The following FRMD4B variants were observed in gnomAD, a reference collection of about 807,000 sequenced individuals.
FRMD4B encodes the protein FERM domain-containing protein 4B.
A neutral mutation model predicts 141.5 loss-of-function variants in FRMD4B; 74 were observed. The observed-to-expected ratio is 0.52, with a 90% CI of 0.43 to 0.63. The LOEUF (loss-of-function observed/expected upper bound fraction) is 0.63, where lower values mean the gene tolerates loss of function less well. Among genes scored for constraint, FRMD4B ranks in the 30% least tolerant of loss-of-function variants. The probability of loss-of-function intolerance (pLI) is 0.00; values close to 1 mark genes in which losing one functional copy is unlikely to be tolerated. For synonymous variants in FRMD4B, 506 were observed against 467.9 expected (o/e 1.08, Z -1.05); for missense variants, 1,366 against 1,253.4 (o/e 1.09, Z -1.36).
chr3:69,446,414 C>G (rs972717320), intron 1 of FRMD4B, among the ~76,000 whole-genome samples: 2 of 151,940 alleles, frequency 1.3e-5, no homozygotes, highest in Non-Finnish European at 2.9e-5. Context: ...CTCACTGCAA[C>G]CTCTGCCTCC....
At chr3:69,394,494 A>G (rs1296160123) in intron 2 of FRMD4B, among the ~76,000 whole-genome samples, 5 of 152,262 alleles carry the variant, frequency 3.3e-5, no homozygotes, top group Non-Finnish European at 2.9e-5. Context: ...GAATAAAACA[A>G]TGATCTAAAA....
intron 1 of FRMD4B, among the ~76,000 whole-genome samples, chr3:69,504,304 T>C (rs910680231): frequency 6.6e-6 from 1 of 152,222 alleles, no homozygotes; most frequent in African/African-American, 2.4e-5. Context: ...GAATACTTTT[T>C]TTAACAGCTT....
chr3:69,460,147 T>C (rs919411496), intron 1 of FRMD4B, among the ~76,000 whole-genome samples: 2 of 152,212 alleles, frequency 1.3e-5, no homozygotes, highest in African/African-American at 4.8e-5. Flanking sequence ...ATGCCATTTG[T>C]TGGAAATTCC....
At chr3:69,371,079 G>A (rs1703811198) in intron 1 of FRMD4B, among the ~76,000 whole-genome samples, 1 of 152,154 alleles carries the variant, frequency 6.6e-6, no homozygotes, top group Non-Finnish European at 1.5e-5. Context: ...GGATTACAGT[G>A]AAAAATAAAG....
intron 2 of FRMD4B, among the ~76,000 whole-genome samples, chr3:69,397,410 T>C (rs932912730): frequency 6.6e-6 from 1 of 152,178 alleles, no homozygotes; most frequent in Non-Finnish European, 1.5e-5. Flanking sequence ...ATGGGGATAG[T>C]TGTGCAACTT....
Position 69,245,664 on chromosome 3 carries a change from CTTTTTTTTTTTT to C in FRMD4B, c.581+3550_581+3561del, listed in dbSNP as rs71115668. Among the ~76,000 whole-genome samples, 3 of 102,478 alleles carry C rather than the reference CTTTTTTTTTTTT, an allele frequency of 2.9e-5. No homozygotes were observed. The Admixed American group carries it at 3.1e-4, about 11-fold the overall frequency. The allele number at this position is 102,478 out of a possible 152,430, so 67.2% of individuals were successfully genotyped here. ...ACCTGGCCTTGGCTGATTTTCTTTTCTTTTTTTTTTTTTTTTTGTGACAGAGTCCCACTCTGT... is the reference window on the plus strand; with the variant it reads ...ACCTGGCCTTGGCTGATTTTCTTTTCTTTTTGTGACAGAGTCCCACTCTGT... On this transcript the variant is annotated intron_variant, in intron 7 of 22. Coordinates refer to ENST00000398540, the MANE Select transcript of FRMD4B (RefSeq NM_015123.3).
At position 69,530,916 on chromosome 3, in the gene FRMD4B, C is replaced by T. The variant is rs145254126; in HGVS notation, c.-129+11290G>A. On this transcript the variant is annotated intron_variant, in intron 1 of 5. Coordinates refer to the FRMD4B transcript ENST00000459638. ...CACAAAATAGGCACAGACCTAATCT[C>T]GGGCCCTTACCTGGGCAAAGGCTTT... 2.5e-3 allele frequency among the ~76,000 whole-genome samples: 380 copies of T among 152,270 alleles called. 1 individual carries two copies. Among genetic ancestry groups the T allele is most frequent in the Middle Eastern group, 6.8e-3 (2 of 294 alleles).
intron 2 of FRMD4B, among the ~76,000 whole-genome samples, chr3:69,393,913 C>T (rs1460002052): frequency 6.6e-6 from 1 of 152,126 alleles, no homozygotes; most frequent in Non-Finnish European, 1.5e-5. Flanking sequence ...TAAAGAAAAG[C>T]ATTTATGGCA....
At chr3:69,386,095 C>CG (rs1216375079), upstream of FRMD4B, 60 of 1,072,838 alleles carry the variant, frequency 5.6e-5, no homozygotes, top group Non-Finnish European at 7.4e-5. Flanking sequence ...TGCTGGCAGC[C>CG]GGGGGGTCAA....
At chr3:69,440,137 CTACTT>C (rs1705321747) in intron 1 of FRMD4B, among the ~76,000 whole-genome samples, 1 of 152,170 alleles carries the variant, frequency 6.6e-6, no homozygotes, top group Non-Finnish European at 1.5e-5. Context: ...TTTATAAAAT[CTACTT>C]TATTCTAAGA....
intron 1 of FRMD4B, among the ~76,000 whole-genome samples, chr3:69,524,576 G>A (rs1700904830): frequency 6.6e-6 from 1 of 152,190 alleles, no homozygotes; most frequent in Non-Finnish European, 1.5e-5. Flanking sequence ...GCTGGGGGCT[G>A]GGTAATACAG....
intron 7 of FRMD4B, among the ~76,000 whole-genome samples, chr3:69,235,855 A>T (rs1213196354): frequency 6.6e-6 from 1 of 152,158 alleles, no homozygotes. Context: ...CTCACAAAGC[A>T]AATACGACTC....
At chr3:69,484,047 T>G (rs1021201111) in intron 1 of FRMD4B, among the ~76,000 whole-genome samples, 8 of 152,218 alleles carry the variant, frequency 5.3e-5, no homozygotes, top group Non-Finnish European at 1.2e-4. Context: ...GTCTTGCTTC[T>G]TTATTTGAAT....
chr3:69,498,037 G>A lies in FRMD4B; in HGVS notation c.-129+44169C>T, dbSNP rs188969606. Among the ~76,000 whole-genome samples the A allele has an allele frequency of 5.2e-3, 792 of 152,342 alleles. 1 individual carries two copies. The highest frequency in any genetic ancestry group is 8.8e-3 in the Admixed American group (134 of 15,302). Reference sequence around the variant, plus strand: ...TTAAATTGCACGTATACCATCCAAGGAAGAGTGGCTGGGGAGAATGCTGCC... The same window carrying A: ...TTAAATTGCACGTATACCATCCAAGAAAGAGTGGCTGGGGAGAATGCTGCC... On this transcript the variant is annotated intron_variant, in intron 1 of 5. Coordinates refer to the FRMD4B transcript ENST00000459638.
intron 2 of FRMD4B, among the ~76,000 whole-genome samples, chr3:69,418,428 G>A (rs1344172693): frequency 6.6e-6 from 1 of 152,106 alleles, no homozygotes; most frequent in Non-Finnish European, 1.5e-5. Flanking sequence ...TCTGCTTCTA[G>A]CCAAGAGAAG....
At chr3:69,523,219 G>T (rs1021657178) in intron 1 of FRMD4B, among the ~76,000 whole-genome samples, 3 of 152,024 alleles carry the variant, frequency 2.0e-5, no homozygotes, top group Non-Finnish European at 4.4e-5. Flanking sequence ...TGGACTCTAG[G>T]CATTTGAAAA....
intron 1 of FRMD4B, among the ~76,000 whole-genome samples, chr3:69,535,165 A>G (rs116291874): frequency 1.0e-3 from 155 of 152,362 alleles, no homozygotes; most frequent in Non-Finnish European, 1.8e-3. Flanking sequence ...ACATTTAGTA[A>G]GCAGCAAAGA....
intron 8 of FRMD4B, among the ~76,000 whole-genome samples, chr3:69,223,312 G>A (rs1439426669): frequency 2.6e-5 from 4 of 151,992 alleles, no homozygotes; most frequent in Non-Finnish European, 4.4e-5. Flanking sequence ...TCAGGAGTTC[G>A]AGACCAGCCT....
At chr3:69,530,012 G>A (rs777109536) in intron 1 of FRMD4B, among the ~76,000 whole-genome samples, 5 of 152,206 alleles carry the variant, frequency 3.3e-5, no homozygotes, top group Non-Finnish European at 5.9e-5. Flanking sequence ...AACAGGAATT[G>A]GCAAAGCACA....
Sources: allele counts gnomAD v4.1 joint callset (sites outside exome capture counted in the v4.1 genomes callset), GRCh38; gene constraint gnomAD v4.1.1; transcripts MANE v1.5; gene names NCBI Gene and HGNC (gene_info 2026-07-23, HGNC 2026-07-21).